Variants in GHR observed in about 807,000 individuals in gnomAD.
The protein encoded by GHR is GH receptor.
A neutral mutation model predicts 67.1 loss-of-function variants in GHR; 35 were observed. The ratio of observed to expected loss-of-function variants is 0.52; its 90% CI spans 0.40 to 0.69. The LOEUF (loss-of-function observed/expected upper bound fraction) is 0.69. Ranked by LOEUF, GHR falls within the 30% of genes least tolerant of loss-of-function variation. GHR has a pLI of 0.00. For missense variants in GHR, 792 were observed against 764.6 expected (o/e 1.04, Z -0.42); for synonymous variants, 272 against 269.1 (o/e 1.01, Z -0.10).
chr5:42,523,131 C>T (rs774039244), intron 1 of GHR, among the ~76,000 whole-genome samples: 5 of 152,112 alleles, frequency 3.3e-5, no homozygotes, highest in Non-Finnish European at 5.9e-5. Flanking sequence ...CAGTAGTTTT[C>T]ATTTAGAAAG....
intron 3 of GHR, among the ~76,000 whole-genome samples, chr5:42,653,328 A>G (rs1755099029): frequency 6.6e-6 from 1 of 152,112 alleles, no homozygotes; most frequent in Admixed American, 6.5e-5. Flanking sequence ...ATAACGTATT[A>G]GTTTTCTAGA....
intron 1 of GHR, among the ~76,000 whole-genome samples, chr5:42,526,313 T>A (rs1411258733): frequency 1.3e-5 from 2 of 152,218 alleles, no homozygotes; most frequent in African/African-American, 4.8e-5. Flanking sequence ...CCTGACTCTC[T>A]TCAGTTTTAT....
intron 3 of GHR, among the ~76,000 whole-genome samples, chr5:42,682,343 C>A (rs1247684575): frequency 6.6e-6 from 1 of 152,088 alleles, no homozygotes; most frequent in Non-Finnish European, 1.5e-5. Context: ...CATAAGAAAG[C>A]AAGAAATATT....
chr5:42,543,926 A>G (rs879702690), intron 1 of GHR, among the ~76,000 whole-genome samples: 15 of 152,056 alleles, frequency 9.9e-5, no homozygotes, highest in Non-Finnish European at 2.1e-4. Context: ...TTTTTAAAAA[A>G]ACAACCTAAT....
In GHR at chr5:42,669,704, A is replaced by G. The variant is rs193289043; in HGVS notation, c.137-19186A>G. Among the ~76,000 whole-genome samples, 10 of 152,338 alleles carry G rather than the reference A, an allele frequency of 6.6e-5. No homozygotes were observed. In the East Asian group the frequency reaches 1.9e-3, roughly 29 times the overall value. On this transcript the variant is annotated intron_variant, in intron 3 of 9. Transcript: ENST00000230882. ...ATGCTACCCATTAAAATCACTGGGG[A>G]ACTTTTAAAAATTAAATGCCCAACT...
chr5:42,631,534 C>A (rs896061119), intron 3 of GHR, among the ~76,000 whole-genome samples: 2 of 152,162 alleles, frequency 1.3e-5, no homozygotes, highest in Non-Finnish European at 2.9e-5. Context: ...GTTACCGTGT[C>A]ACAAATATTT....
At chr5:42,476,701 T>G (rs900496829) in intron 1 of GHR, among the ~76,000 whole-genome samples, 11 of 152,200 alleles carry the variant, frequency 7.2e-5, no homozygotes, top group Non-Finnish European at 1.5e-4. Context: ...ACAGAAATAC[T>G]GGCCAACAGA....
chr5:42,526,231 T>A (rs1747700126), intron 1 of GHR, among the ~76,000 whole-genome samples: 1 of 151,910 alleles, frequency 6.6e-6, no homozygotes, highest in Non-Finnish European at 1.5e-5. Context: ...TGGAGAAAGT[T>A]TGAGTGGTCT....
chr5:42,661,455 T>A (rs1164731988), intron 3 of GHR, among the ~76,000 whole-genome samples: 1 of 152,208 alleles, frequency 6.6e-6, no homozygotes, highest in East Asian at 1.9e-4. Context: ...ATATTCAACA[T>A]TCTTAAAGAA....
intron 3 of GHR, among the ~76,000 whole-genome samples, chr5:42,657,984 G>A (rs1462354888): frequency 6.6e-6 from 1 of 152,104 alleles, no homozygotes; most frequent in African/African-American, 2.4e-5. Context: ...TTCAGAATCA[G>A]GACTTGTCTT....
intron 1 of GHR, among the ~76,000 whole-genome samples, chr5:42,528,739 GAATC>G (rs1747818958): frequency 6.6e-6 from 1 of 152,162 alleles, no homozygotes; most frequent in Non-Finnish European, 1.5e-5. Flanking sequence ...ATGAAAGGAA[GAATC>G]AATCAGTGTG....
chr5:42,594,402 C>T (rs1751955481), intron 2 of GHR, among the ~76,000 whole-genome samples: 1 of 152,192 alleles, frequency 6.6e-6, no homozygotes, highest in South Asian at 2.1e-4. Context: ...GTTTGGAAAA[C>T]AGTTTTGGCA....
rs376581505 is a variant in GHR at position 42,609,847 on chromosome 5, C to T, written c.71-19191C>T. Among the ~76,000 whole-genome samples, 3 of 152,242 alleles carry T rather than the reference C, an allele frequency of 2.0e-5. No individual in the cohort carries two copies. The East Asian group carries it at 5.8e-4, about 29-fold the overall frequency. ...TAAAAACAACCTTACCATCTGTGTCCTCTGTCATATGGTACAATATTCAAG... is the reference window on the plus strand; with the variant it reads ...TAAAAACAACCTTACCATCTGTGTCTTCTGTCATATGGTACAATATTCAAG... On this transcript the variant is annotated intron_variant, in intron 2 of 9. Transcript: ENST00000230882.
chr5:42,439,475 A>G (rs1579700327), intron 1 of GHR, among the ~76,000 whole-genome samples: 1 of 152,244 alleles, frequency 6.6e-6, no homozygotes, highest in South Asian at 2.1e-4. Context: ...AAATTGCATT[A>G]ACTCTGCTTT....
intron 1 of GHR, among the ~76,000 whole-genome samples, chr5:42,435,447 A>G (rs1435786257): frequency 2.0e-5 from 3 of 152,222 alleles, no homozygotes; most frequent in Non-Finnish European, 2.9e-5. Context: ...GCCAGCGATG[A>G]GAGAGCCTAC....
At chr5:42,608,181 A>G (rs1054880128) in intron 2 of GHR, among the ~76,000 whole-genome samples, 2 of 152,242 alleles carry the variant, frequency 1.3e-5, no homozygotes, top group African/African-American at 4.8e-5. Flanking sequence ...ATTAAGTTAT[A>G]TAAGTAAATG....
At chr5:42,616,160 A>C (rs966058298) in intron 2 of GHR, among the ~76,000 whole-genome samples, 2 of 152,114 alleles carry the variant, frequency 1.3e-5, no homozygotes, top group Non-Finnish European at 2.9e-5. Context: ...CCAGTGAGGT[A>C]GCATGATCTT....
intron 1 of GHR, among the ~76,000 whole-genome samples, chr5:42,444,397 G>T (rs985460201): frequency 1.3e-5 from 2 of 152,194 alleles, no homozygotes; most frequent in African/African-American, 4.8e-5. Context: ...TTTGATGGCA[G>T]CTATAAATAT....
In GHR at chr5:42,535,072, G is replaced by A. The variant is rs573998294; in HGVS notation, c.-11-30792G>A. Among the ~76,000 whole-genome samples the A allele has an allele frequency of 1.1e-4, 16 of 152,004 alleles. No homozygotes were observed. In the South Asian group the frequency reaches 2.7e-3, roughly 26 times the overall value. On this transcript the variant is annotated intron_variant, in intron 1 of 9. Coordinates refer to ENST00000230882, the MANE Select transcript of GHR (RefSeq NM_000163.5). ...TCCAGATATTAGTCCTTTTTCAGAC[G>A]TATAGATTGTGAAGATTTTTCTCCT...
Sources: gnomAD v4.1 joint callset for allele counts (sites outside exome capture counted in the v4.1 genomes callset) on GRCh38, gnomAD v4.1.1 for gene constraint, MANE v1.5 for transcripts, NCBI Gene and HGNC (gene_info 2026-07-23, HGNC 2026-07-21) for gene names.